GPR39: variants seen among roughly 807,000 people sequenced by gnomAD.
GPR39 encodes the protein G protein-coupled receptor 39.
A neutral mutation model predicts 18.4 loss-of-function variants in GPR39; 23 were observed. The ratio of observed to expected loss-of-function variants is 1.25; its 90% CI spans 0.90 to 1.77. GPR39 has a LOEUF of 1.77. GPR39 is among the 40% of genes most tolerant of loss of function. The pLI is 0.00. For missense variants in GPR39, 647 were observed against 602.4 expected (o/e 1.07, Z -0.78); for synonymous variants, 280 against 257.9 (o/e 1.09, Z -0.82).
chr2:132,619,538 G>A (rs1318928548), intron 1 of GPR39, among the ~76,000 whole-genome samples: 1 of 152,188 alleles, frequency 6.6e-6, no homozygotes, highest in South Asian at 2.1e-4. Flanking sequence ...TTTCTACCCA[G>A]TTGTGCTTCA....
intron 1 of GPR39, among the ~76,000 whole-genome samples, chr2:132,638,391 G>A: frequency 6.6e-6 from 1 of 152,232 alleles, no homozygotes; most frequent in East Asian, 1.9e-4. Context: ...TCTCCAACTT[G>A]TGTGAGCAGC....
At chr2:132,637,224 G>T (rs948038648) in intron 1 of GPR39, among the ~76,000 whole-genome samples, 3 of 152,210 alleles carry the variant, frequency 2.0e-5, no homozygotes, top group Admixed American at 6.5e-5. Context: ...CCAGACAGGA[G>T]GGTCTATTTT....
intron 1 of GPR39, among the ~76,000 whole-genome samples, chr2:132,538,507 C>G (rs1387246764): frequency 2.0e-5 from 3 of 152,168 alleles, no homozygotes. Context: ...GAGGTCTTTC[C>G]CAGTCAGGAG....
At chr2:132,630,109 C>CATAGACATAGACATAGG (rs2104868533) in intron 1 of GPR39, among the ~76,000 whole-genome samples, 2 of 152,274 alleles carry the variant, frequency 1.3e-5, no homozygotes, top group South Asian at 4.2e-4. Context: ...CAGACGCAGA[C>CATAGACATAGACATAGG]ATAGACATAG....
chr2:132,535,018 C>T (rs1240427593), intron 1 of GPR39, among the ~76,000 whole-genome samples: 1 of 151,918 alleles, frequency 6.6e-6, no homozygotes, highest in Non-Finnish European at 1.5e-5. Context: ...ATGTCATCTG[C>T]AAACGGAGAT....
chr2:132,430,883 T>G (rs1354872498), intron 1 of GPR39, among the ~76,000 whole-genome samples: 2 of 152,220 alleles, frequency 1.3e-5, no homozygotes, highest in South Asian at 2.1e-4. Flanking sequence ...CCTTCTTTGT[T>G]CCATGCAGAC....
At chr2:132,591,757 G>A (rs16837522) in intron 1 of GPR39, among the ~76,000 whole-genome samples, 2,288 of 152,264 alleles carry the variant, frequency 0.015, 74 homozygotes, top group African/African-American at 0.052. Flanking sequence ...CAATGGATAA[G>A]CTGCAGGAAA....
intron 1 of GPR39, among the ~76,000 whole-genome samples, chr2:132,570,952 A>C (rs530397540): frequency 1.3e-5 from 2 of 152,216 alleles, no homozygotes; most frequent in Non-Finnish European, 2.9e-5. Context: ...AATAATAACC[A>C]TAGTGAATAT....
intron 1 of GPR39, among the ~76,000 whole-genome samples, chr2:132,456,377 C>T (rs1403095129): frequency 2.0e-5 from 3 of 151,620 alleles, no homozygotes; most frequent in African/African-American, 7.3e-5. Flanking sequence ...TGCATCTTTG[C>T]ACATGAGATG....
intron 1 of GPR39, among the ~76,000 whole-genome samples, chr2:132,444,255 T>A (rs12994432): frequency 0.97 from 148,001 of 152,266 alleles, 72,071 homozygotes; most frequent in Non-Finnish European, 1. Flanking sequence ...CTCACTAGCA[T>A]ATAGTTGAAT....
At chr2:132,554,954 T>G (rs1204028490) in intron 1 of GPR39, among the ~76,000 whole-genome samples, 1 of 35,146 alleles carries the variant, frequency 2.8e-5, no homozygotes, top group Non-Finnish European at 5.0e-5. Context: ...CTTTCAACCA[T>G]TTTTTTTTTT....
intron 1 of GPR39, among the ~76,000 whole-genome samples, chr2:132,480,590 A>T (rs1011332734): frequency 3.9e-5 from 6 of 152,082 alleles, no homozygotes; most frequent in African/African-American, 1.4e-4. Context: ...CTCAAGATAG[A>T]ATTAGTAGGA....
At chr2:132,455,272 G>A (rs1467199024) in intron 1 of GPR39, among the ~76,000 whole-genome samples, 4 of 152,154 alleles carry the variant, frequency 2.6e-5, no homozygotes, top group Non-Finnish European at 5.9e-5. Flanking sequence ...TTTGCATAGA[G>A]GTGTTTATAG....
intron 1 of GPR39, among the ~76,000 whole-genome samples, chr2:132,527,035 C>A (rs986347651): frequency 4.6e-5 from 7 of 152,112 alleles, no homozygotes; most frequent in Non-Finnish European, 1.0e-4. Context: ...CTGCATCTAT[C>A]AACCCGTCAT....
At chr2:132,600,584 A>T (rs754066598) in intron 1 of GPR39, among the ~76,000 whole-genome samples, 2 of 152,200 alleles carry the variant, frequency 1.3e-5, no homozygotes, top group Non-Finnish European at 2.9e-5. Flanking sequence ...GAACAACTAC[A>T]TGCCAACAAA....
intron 1 of GPR39, among the ~76,000 whole-genome samples, chr2:132,644,647 A>G (rs2104884226): frequency 6.6e-6 from 1 of 151,998 alleles, no homozygotes; most frequent in South Asian, 2.1e-4. Flanking sequence ...ATTTAAAAAT[A>G]TCACTAGGTC....
At position 132,631,243 on chromosome 2, in the gene GPR39, A is replaced by G. The variant is rs75292925; in HGVS notation, c.857-13858A>G. ...TTGCGCTGTACTGTGCTTACTACGT[A>G]CAACAATGTGCATCTCCGACATTTA... is the stretch of plus-strand genomic sequence containing the variant. On this transcript the variant is annotated intron_variant, in intron 1 of 1. Transcript: ENST00000329321. Among the ~76,000 whole-genome samples, 986 of 152,342 alleles carry G rather than the reference A, an allele frequency of 6.5e-3. 9 individuals are homozygous for G. Among genetic ancestry groups the G allele is most frequent in the African/African-American group, 0.023 (953 of 41,570 alleles).
chr2:132,570,292 G>T (rs754334987), intron 1 of GPR39, among the ~76,000 whole-genome samples: 1 of 151,666 alleles, frequency 6.6e-6, no homozygotes, highest in Non-Finnish European at 1.5e-5. Context: ...ACTACCCCTC[G>T]TCTCTGAGAC....
chr2:132,487,134 C>T (rs1387140937), intron 1 of GPR39, among the ~76,000 whole-genome samples: 1 of 152,128 alleles, frequency 6.6e-6, no homozygotes, highest in Non-Finnish European at 1.5e-5. Flanking sequence ...TCAGAACACA[C>T]ACAACATTCA....
Sources: gnomAD v4.1 joint callset for allele counts (sites outside exome capture counted in the v4.1 genomes callset) on GRCh38, gnomAD v4.1.1 for gene constraint, MANE v1.5 for transcripts, NCBI Gene and HGNC (gene_info 2026-07-23, HGNC 2026-07-21) for gene names.